The following HS3ST4 variants were observed in gnomAD, a reference collection of about 807,000 sequenced individuals.
The protein encoded by HS3ST4 is heparan sulfate glucosamine 3-O-sulfotransferase 4.
Under a neutral mutation model 29.2 loss-of-function variants are expected in HS3ST4, and 17 were observed. The observed-to-expected ratio is 0.58, with a 90% CI of 0.40 to 0.87. HS3ST4 has a LOEUF of 0.87. Among genes scored for constraint, HS3ST4 ranks in the 40% least tolerant of loss-of-function variants. HS3ST4 has a pLI of 0.00. For missense variants in HS3ST4, 627 were observed against 634.5 expected (o/e 0.99, Z 0.13); for synonymous variants, 314 against 285.7 (o/e 1.10, Z -1.00).
chr16:25,794,666 T>C (rs971845170), intron 1 of HS3ST4, among the ~76,000 whole-genome samples: 7 of 152,056 alleles, frequency 4.6e-5, no homozygotes, highest in African/African-American at 1.4e-4. Flanking sequence ...CTCTGTTTTT[T>C]GTTTTCTCTG....
rs551835669 is a variant in HS3ST4, at chr16:25,755,854, G to A, written c.734+62703G>A. Among the ~76,000 whole-genome samples the A allele has an allele frequency of 6.6e-5, 10 of 152,094 alleles. No individual in the cohort carries two copies. In the East Asian group the frequency reaches 1.2e-3, roughly 18 times the overall value. On this transcript the variant is annotated intron_variant, in intron 1 of 1. Coordinates refer to ENST00000331351, the MANE Select transcript of HS3ST4 (RefSeq NM_006040.3). ...CAACTGTATTCCCAAAATTGATGCC[G>A]AGTATCAGTTTTTTTTCATCATCAC... is the stretch of plus-strand genomic sequence containing the variant.
At chr16:25,781,393 C>A (rs1408909623) in intron 1 of HS3ST4, among the ~76,000 whole-genome samples, 1 of 152,192 alleles carries the variant, frequency 6.6e-6, no homozygotes, top group Non-Finnish European at 1.5e-5. Context: ...ACTTCTATTT[C>A]TGCATTGTAC....
intron 1 of HS3ST4, among the ~76,000 whole-genome samples, chr16:25,970,280 A>G (rs564185836): frequency 9.8e-5 from 15 of 152,336 alleles, no homozygotes; most frequent in African/African-American, 3.4e-4. Flanking sequence ...GGGACAACCA[A>G]ACTGTTGTGG....
At chr16:25,875,390 G>A (rs1302716831) in intron 1 of HS3ST4, among the ~76,000 whole-genome samples, 5 of 152,118 alleles carry the variant, frequency 3.3e-5, no homozygotes, top group African/African-American at 1.2e-4. Context: ...TCATGTCCAT[G>A]TGCTCATGTG....
chr16:25,968,821 T>C (rs1335072398), intron 1 of HS3ST4, among the ~76,000 whole-genome samples: 1 of 152,158 alleles, frequency 6.6e-6, no homozygotes, highest in African/African-American at 2.4e-5. Flanking sequence ...TTGTTTGTTT[T>C]GTTTTGTTTT....
chr16:25,726,356 T>A (rs1470104343), intron 1 of HS3ST4, among the ~76,000 whole-genome samples: 2 of 152,052 alleles, frequency 1.3e-5, no homozygotes, highest in Non-Finnish European at 2.9e-5. Flanking sequence ...TCTAATGTAT[T>A]TACTTGATGT....
chr16:25,923,984 G>A (rs905782727), intron 1 of HS3ST4, among the ~76,000 whole-genome samples: 22 of 152,040 alleles, frequency 1.4e-4, no homozygotes, highest in Non-Finnish European at 8.8e-5. Flanking sequence ...TTCATTTTTA[G>A]GTTTCTCCTC....
At chr16:25,732,619 A>G (rs1007631822) in intron 1 of HS3ST4, among the ~76,000 whole-genome samples, 7 of 152,248 alleles carry the variant, frequency 4.6e-5, no homozygotes, top group African/African-American at 1.7e-4. Context: ...ATCAAAAAAA[A>G]GGAGTATCAA....
intron 1 of HS3ST4, among the ~76,000 whole-genome samples, chr16:25,913,174 T>G (rs563717553): frequency 6.6e-6 from 1 of 152,344 alleles, no homozygotes; most frequent in Admixed American, 6.5e-5. Flanking sequence ...TCTGCTCTTC[T>G]GATAAATTCC....
At chr16:26,132,930 A>G (rs1290789130) in intron 1 of HS3ST4, among the ~76,000 whole-genome samples, 1 of 152,200 alleles carries the variant, frequency 6.6e-6, no homozygotes, top group Non-Finnish European at 1.5e-5. Flanking sequence ...AAGGGAATAT[A>G]TCTCTCCACT....
At chr16:26,004,655 A>G (rs751998898) in intron 1 of HS3ST4, among the ~76,000 whole-genome samples, 15 of 152,212 alleles carry the variant, frequency 9.9e-5, no homozygotes, top group African/African-American at 9.7e-5. Flanking sequence ...TTATGGAAGT[A>G]TGAAGTTAAA....
chr16:25,875,889 A>T (rs373405045), intron 1 of HS3ST4, among the ~76,000 whole-genome samples: 64 of 152,238 alleles, frequency 4.2e-4, no homozygotes, highest in African/African-American at 1.5e-3. Context: ...CACCAGATTG[A>T]TGGATACAGA....
At chr16:25,923,958 T>G (rs1218762541) in intron 1 of HS3ST4, among the ~76,000 whole-genome samples, 1 of 152,170 alleles carries the variant, frequency 6.6e-6, no homozygotes, top group East Asian at 1.9e-4. Context: ...TTCGGGACAA[T>G]GATGACTCAA....
At chr16:26,068,876 T>C (rs1051794365) in intron 1 of HS3ST4, among the ~76,000 whole-genome samples, 3 of 152,234 alleles carry the variant, frequency 2.0e-5, no homozygotes, top group Non-Finnish European at 4.4e-5. Flanking sequence ...ATGTTTTATA[T>C]GTAAATGTTG....
chr16:25,702,556 C>T (rs1034791654), intron 1 of HS3ST4, among the ~76,000 whole-genome samples: 3 of 152,156 alleles, frequency 2.0e-5, no homozygotes, highest in Admixed American at 2.0e-4. Flanking sequence ...CCTTTCCTGT[C>T]TCCCTTTTCT....
chr16:25,872,152 T>TG (rs1452989427), intron 1 of HS3ST4, among the ~76,000 whole-genome samples: 2 of 152,192 alleles, frequency 1.3e-5, no homozygotes, highest in Admixed American at 6.6e-5. Flanking sequence ...AATAAATAGG[T>TG]GCATGCAAGC....
At chr16:26,009,124 C>A (rs1969286018) in intron 1 of HS3ST4, among the ~76,000 whole-genome samples, 1 of 152,174 alleles carries the variant, frequency 6.6e-6, no homozygotes, top group South Asian at 2.1e-4. Context: ...CTTCCCCAAA[C>A]CCTTTGCTTA....
chr16:25,899,221 A>C (rs1438476719), intron 1 of HS3ST4, among the ~76,000 whole-genome samples: 1 of 152,216 alleles, frequency 6.6e-6, no homozygotes, highest in Non-Finnish European at 1.5e-5. Flanking sequence ...AGTCTTCCTC[A>C]AACCCCAAAG....
intron 1 of HS3ST4, among the ~76,000 whole-genome samples, chr16:25,774,526 G>C (rs893927778): frequency 1.3e-5 from 2 of 152,300 alleles, no homozygotes; most frequent in Admixed American, 6.5e-5. Context: ...AGGCCAGACT[G>C]CCTGAGCTTT....
Sources: gnomAD v4.1 joint callset for allele counts (sites outside exome capture counted in the v4.1 genomes callset) on GRCh38, gnomAD v4.1.1 for gene constraint, MANE v1.5 for transcripts, NCBI Gene and HGNC (gene_info 2026-07-23, HGNC 2026-07-21) for gene names.